TSHZ2: variants seen among roughly 807,000 people sequenced by gnomAD.
TSHZ2 encodes teashirt homolog 2.
In TSHZ2, 21 loss-of-function variants were observed where a neutral mutation model predicts 74.4. That is an observed-to-expected ratio of 0.28 (90% CI 0.20 to 0.41). TSHZ2 has a LOEUF of 0.41. Ranked by LOEUF, TSHZ2 falls within the 10% of genes least tolerant of loss-of-function variation. The probability of loss-of-function intolerance (pLI) is 1.00; values close to 1 mark genes in which losing one functional copy is unlikely to be tolerated. For synonymous variants in TSHZ2, 540 were observed against 515.3 expected, an observed-to-expected ratio of 1.05 and a Z score of -0.65; for missense variants, 1,244 against 1,293.5, an observed-to-expected ratio of 0.96 and a Z score of 0.59.
chr20:53,106,391 CTTTTTTTTTT>C (rs71194458), intron 1 of TSHZ2, among the ~76,000 whole-genome samples: 13 of 58,980 alleles, frequency 2.2e-4, no homozygotes, highest in South Asian at 1.1e-3. Flanking sequence ...CTCACACTTT[CTTTTTTTTTT>C]TTTTTTTTTT....
At chr20:53,306,895 C>A (rs1338780119) in intron 2 of TSHZ2, among the ~76,000 whole-genome samples, 4 of 152,196 alleles carry the variant, frequency 2.6e-5, no homozygotes, top group Non-Finnish European at 5.9e-5. Flanking sequence ...ATTAGTTGGA[C>A]ACCGACATGC....
At chr20:53,465,752 A>G (rs1985537684) in intron 2 of TSHZ2, among the ~76,000 whole-genome samples, 1 of 152,180 alleles carries the variant, frequency 6.6e-6, no homozygotes, top group African/African-American at 2.4e-5. Context: ...AGGGACTATT[A>G]TAACAATTAA....
intron 2 of TSHZ2, among the ~76,000 whole-genome samples, chr20:53,348,975 A>G (rs1980542950): frequency 6.6e-6 from 1 of 152,226 alleles, no homozygotes; most frequent in Non-Finnish European, 1.5e-5. Flanking sequence ...GATCAAAAGC[A>G]GTTTAACTCG....
chr20:53,482,339 C>G (rs1317921340), intron 2 of TSHZ2, among the ~76,000 whole-genome samples: 2 of 152,126 alleles, frequency 1.3e-5, no homozygotes, highest in Non-Finnish European at 2.9e-5. Context: ...ATCTCCTGAA[C>G]TGCAGCATTG....
intron 2 of TSHZ2, among the ~76,000 whole-genome samples, chr20:53,443,508 G>A (rs946182903): frequency 6.6e-6 from 1 of 152,202 alleles, no homozygotes; most frequent in Non-Finnish European, 1.5e-5. Flanking sequence ...GGGCAACATA[G>A]ATTTAGAATC....
At chr20:53,378,060 G>T (rs545000022) in intron 2 of TSHZ2, among the ~76,000 whole-genome samples, 1 of 152,144 alleles carries the variant, frequency 6.6e-6, no homozygotes, top group Non-Finnish European at 1.5e-5. Context: ...TAGAACCTAG[G>T]CCAGGCACGG....
chr20:52,994,161 T>G (rs796674817), intron 1 of TSHZ2, among the ~76,000 whole-genome samples: 5 of 152,372 alleles, frequency 3.3e-5, no homozygotes, highest in African/African-American at 1.2e-4. Flanking sequence ...CCGGCCCCTG[T>G]GCTGTGTATC....
At chr20:53,062,823 T>C (rs1179355689) in intron 1 of TSHZ2, among the ~76,000 whole-genome samples, 1 of 152,236 alleles carries the variant, frequency 6.6e-6, no homozygotes, top group Non-Finnish European at 1.5e-5. Context: ...GAGGCCTAGC[T>C]TTCAGCCTGT....
chr20:53,442,999 C>A (rs2145761578), intron 2 of TSHZ2, among the ~76,000 whole-genome samples: 1 of 152,312 alleles, frequency 6.6e-6, no homozygotes, highest in South Asian at 2.1e-4. Context: ...AATAGCATGT[C>A]CTCGTTTCTA....
chr20:53,466,817 C>A (rs977841608), intron 2 of TSHZ2, among the ~76,000 whole-genome samples: 1 of 152,122 alleles, frequency 6.6e-6, no homozygotes, highest in African/African-American at 2.4e-5. Flanking sequence ...TTTAATTTAT[C>A]TTTTGAAAGG....
At chr20:53,054,279 C>T (rs1186726473) in intron 1 of TSHZ2, among the ~76,000 whole-genome samples, 3 of 152,152 alleles carry the variant, frequency 2.0e-5, no homozygotes, top group Admixed American at 2.0e-4. Context: ...TAAGAATTTG[C>T]CTGTCACTTG....
intron 1 of TSHZ2, among the ~76,000 whole-genome samples, chr20:53,230,228 C>T (rs1461156491): frequency 1.3e-5 from 2 of 152,084 alleles, no homozygotes; most frequent in East Asian, 3.9e-4. Flanking sequence ...CAGGCAAATC[C>T]CACATTCAAA....
chr20:53,173,477 G>C (rs6013643), intron 1 of TSHZ2, among the ~76,000 whole-genome samples: 2 of 152,094 alleles, frequency 1.3e-5, no homozygotes, highest in Non-Finnish European at 2.9e-5. Flanking sequence ...GCATGGTGGT[G>C]TGCACCTGTA....
chr20:53,104,686 G>T (rs2800996), intron 1 of TSHZ2, among the ~76,000 whole-genome samples: 1 of 151,934 alleles, frequency 6.6e-6, no homozygotes, highest in Non-Finnish European at 1.5e-5. Context: ...ACTGGTGTTC[G>T]TGAAGAACTT....
intron 2 of TSHZ2, among the ~76,000 whole-genome samples, chr20:53,283,899 A>G (rs1351402294): frequency 6.6e-6 from 1 of 152,222 alleles, no homozygotes; most frequent in Non-Finnish European, 1.5e-5. Context: ...ACCTGGGTTT[A>G]TGAAGAATGA....
intron 1 of TSHZ2, among the ~76,000 whole-genome samples, chr20:53,015,875 G>A (rs1415222079): frequency 6.6e-6 from 1 of 152,148 alleles, no homozygotes; most frequent in East Asian, 1.9e-4. Context: ...CCAGTGTTCA[G>A]GGGGCTGAAA....
intron 1 of TSHZ2, among the ~76,000 whole-genome samples, chr20:53,065,701 T>C (rs1276362726): frequency 4.6e-5 from 7 of 152,306 alleles, no homozygotes; most frequent in African/African-American, 1.7e-4. Context: ...CCTACCTTCC[T>C]CCCAGAAAAT....
intron 1 of TSHZ2, among the ~76,000 whole-genome samples, chr20:53,090,055 A>G (rs1448965748): frequency 6.6e-6 from 1 of 152,274 alleles, no homozygotes; most frequent in African/African-American, 2.4e-5. Flanking sequence ...CCGAAGGCCC[A>G]AGAGCCCCTG....
At chr20:53,353,532 T>C (rs1980734798) in intron 2 of TSHZ2, among the ~76,000 whole-genome samples, 1 of 152,240 alleles carries the variant, frequency 6.6e-6, no homozygotes, top group African/African-American at 2.4e-5. Context: ...TTAAAGGCCA[T>C]ACAAGAATAT....
Sources: allele counts gnomAD v4.1 joint callset (sites outside exome capture counted in the v4.1 genomes callset), GRCh38; gene constraint gnomAD v4.1.1; transcripts MANE v1.5; gene names NCBI Gene and HGNC (gene_info 2026-07-23, HGNC 2026-07-21).